Variants in CNGB1 observed in about 807,000 individuals in gnomAD.
The protein encoded by CNGB1 is cyclic nucleotide gated channel subunit beta 1, also known as cyclic nucleotide-gated channel beta-1.
Under a neutral mutation model 151.7 loss-of-function variants are expected in CNGB1, and 126 were observed. That is an observed-to-expected ratio of 0.83 (90% confidence interval 0.72 to 0.96). The LOEUF (loss-of-function observed/expected upper bound fraction) is 0.96, where lower values mean the gene tolerates loss of function less well. Among genes scored for constraint, CNGB1 ranks in the 40% least tolerant of loss-of-function variants. The probability of loss-of-function intolerance (pLI) is 0.00; values close to 1 mark genes in which losing one functional copy is unlikely to be tolerated. For missense variants in CNGB1, 1,698 were observed against 1,627.0 expected, an observed-to-expected ratio of 1.04 and a Z score of -0.75; for synonymous variants, 623 against 635.1, an observed-to-expected ratio of 0.98 and a Z score of 0.29.
intron 32 of CNGB1, among the ~76,000 whole-genome samples, chr16:57,884,933 G>GC (rs1341293609): frequency 1.3e-5 from 2 of 152,154 alleles, no homozygotes; most frequent in African/African-American, 2.4e-5. Context: ...CTGGGGCTGG[G>GC]CCCCCTTTCT....
intron 31 of CNGB1, among the ~76,000 whole-genome samples, chr16:57,896,713 A>AAAAAAAAT (rs1960237465): frequency 7.3e-6 from 1 of 137,014 alleles, no homozygotes; most frequent in Non-Finnish European, 1.6e-5. Flanking sequence ...ACTCTGTCTC[A>AAAAAAAAT]AAATAAATAA....
At position 57,949,394 on chromosome 16, in the gene CNGB1, T is replaced by C. The variant is rs1961892586; in HGVS notation, c.1080A>G (p.Glu360=). 1 of 1,613,388 alleles carries C rather than the reference T, an allele frequency of 6.2e-7. No homozygotes were observed. The highest frequency in any genetic ancestry group is 1.1e-5 in the South Asian group (1 of 91,068). ...CTTCCTCCTCCTCCTCCTCTTCCTC[T>C]TCCTCCTCCTCATCTTCTTTCTCCT... ...IEEEKEDEEE[E]EEEEEEEEEE... The change falls in exon 14 of 33, where the codon GAA becomes GAG. Residue 360 remains glutamate, a synonymous_variant. Coordinates refer to ENST00000251102, the MANE Select transcript of CNGB1 (RefSeq NM_001297.5).
rs1341879752 is a variant in CNGB1, at chr16:57,901,584, G to A, written c.2836C>T (p.Leu946=). 1 of 1,614,166 alleles carries A rather than the reference G, an allele frequency of 6.2e-7. No individual in the cohort carries two copies. The highest frequency in any genetic ancestry group is 1.1e-5 in the South Asian group (1 of 91,076). Reference sequence around the variant, plus strand: ...TAGTTCACGTCGATGGCGAGGTCCAGCCGCATCTTGTCTGGAAGCTGCACC... The same window carrying A: ...TAGTTCACGTCGATGGCGAGGTCCAACCGCATCTTGTCTGGAAGCTGCACC... The part of the protein sequence containing the change: ...LMVQLPDKMR[L]DLAIDVNYNI... Residue 946 remains leucine (L), a synonymous_variant, in exon 28 of 33, where the codon CTG becomes TTG. Transcript: ENST00000251102.
intron 17 of CNGB1, among the ~76,000 whole-genome samples, chr16:57,930,458 C>T (rs1047934346): frequency 2.0e-5 from 3 of 148,282 alleles, no homozygotes; most frequent in Non-Finnish European, 1.5e-5. Flanking sequence ...CACACCACTG[C>T]ACTCCAACCT....
At chr16:57,921,265 C>A (rs1027143275) in intron 18 of CNGB1, among the ~76,000 whole-genome samples, 2 of 145,244 alleles carry the variant, frequency 1.4e-5, no homozygotes, top group African/African-American at 5.2e-5. Flanking sequence ...TCTTGTCGCC[C>A]AGCTGGAGTG....
chr16:57,939,289 A>G, intron 16 of CNGB1, 141 bp downstream of exon 16: 1 of 1,177,116 alleles, frequency 8.5e-7, no homozygotes, highest in Non-Finnish European at 1.3e-6. Flanking sequence ...GATTTTCCTG[A>G]AGACAGGGTG....
chr16:57,960,568 C>A, intron 8 of CNGB1, 38 bp from the exon 9 acceptor site: 1 of 1,605,772 alleles, frequency 6.2e-7, no homozygotes, highest in Non-Finnish European at 8.5e-7. Context: ...TGGGCCATAG[C>A]AAGCTCTGTG....
At chr16:57,927,977 AG>A (rs1263984794) in intron 17 of CNGB1, among the ~76,000 whole-genome samples, 1 of 152,224 alleles carries the variant, frequency 6.6e-6, no homozygotes, top group Non-Finnish European at 1.5e-5. Flanking sequence ...TGCTACACCT[AG>A]CCATCTCCAC....
chr16:57,936,795 C>CAAAAAA (rs1181991556), intron 16 of CNGB1, among the ~76,000 whole-genome samples: 1 of 99,084 alleles, frequency 1.0e-5, no homozygotes, highest in African/African-American at 6.6e-5. Context: ...AAAAAACAAA[C>CAAAAAA]AAACAAAAAA....
At chr16:57,893,158 T>C (rs1960139089) in intron 31 of CNGB1, among the ~76,000 whole-genome samples, 1 of 152,202 alleles carries the variant, frequency 6.6e-6, no homozygotes, top group African/African-American at 2.4e-5. Flanking sequence ...AAAATAAGAA[T>C]GTGTGATACA....
At chr16:57,891,791 A>G (rs1272428166) in intron 31 of CNGB1, among the ~76,000 whole-genome samples, 5 of 152,136 alleles carry the variant, frequency 3.3e-5, no homozygotes, top group African/African-American at 1.2e-4. Context: ...TCCTGACCTC[A>G]GGTGATCCAC....
Position 57,897,557 on chromosome 16 carries a change from G to GGGA in CNGB1, c.3096-17_3096-15dup. On this transcript the variant is annotated splice_polypyrimidine_tract_variant and intron_variant, in intron 30 of 32. Coordinates refer to ENST00000251102, the MANE Select transcript of CNGB1 (RefSeq NM_001297.5). ...ACAGCCAGCAAGCTGGGGCAGAGAA[G>GGGA]GGAGGAAGGAGGCCCTTCAGAGACT... 1 of 1,613,836 alleles carries GGGA rather than the reference G, an allele frequency of 6.2e-7. No homozygotes were observed. The highest frequency in any genetic ancestry group is 8.5e-7 in the Non-Finnish European group (1 of 1,180,022).
At chr16:57,923,883 G>A (rs998962220) in intron 17 of CNGB1, among the ~76,000 whole-genome samples, 8 of 152,068 alleles carry the variant, frequency 5.3e-5, no homozygotes, top group Admixed American at 3.3e-4. Flanking sequence ...TCCAGTCTCC[G>A]CCTTACGGTG....
At chr16:57,885,580 T>TCTCTCTCTCTC (rs746385217) in intron 32 of CNGB1, among the ~76,000 whole-genome samples, 1,149 of 56,576 alleles carry the variant, frequency 0.02, 31 homozygotes, top group Middle Eastern at 0.034. Context: ...CTCTCTCTCT[T>TCTCTCTCTCTC]TCTTTCTTTC....
Position 57,931,781 on chromosome 16 carries a change from C to T in CNGB1, c.1470G>A (p.Leu490=). The T allele has an allele frequency of 1.2e-6, 2 of 1,614,112 alleles. No individual in the cohort carries two copies. Among genetic ancestry groups the T allele is most frequent in the Non-Finnish European group, 1.7e-6 (2 of 1,180,024 alleles). ...MAEENPPSTV[L]PPPSPAKSDT... is the part of the protein sequence containing the mutation. ...CTGATTTGGCAGGAGACGGTGGCGG[C>T]AACACGGTTGAGGGTGGATTCTCTT... Residue 490 remains leucine, a synonymous_variant, in exon 17 of 33, where the codon TTG becomes TTA. Coordinates refer to ENST00000251102, the MANE Select transcript of CNGB1 (RefSeq NM_001297.5).
chr16:57,942,320 TA>T (rs1178126074), intron 14 of CNGB1, among the ~76,000 whole-genome samples: 11 of 150,908 alleles, frequency 7.3e-5, no homozygotes, highest in South Asian at 2.1e-4. Flanking sequence ...ATCTTATATA[TA>T]AAAAAAAACC....
chr16:57,950,231 C>T, intron 13 of CNGB1, 150 bp downstream of exon 13: 1 of 911,230 alleles, frequency 1.1e-6, no homozygotes. Flanking sequence ...GGTAGCCATT[C>T]TACCCATGGG....
In CNGB1 at chr16:57,901,440, C is replaced by T. The variant is rs1960384662; in HGVS notation, c.2893-5G>A. On this transcript the variant is annotated splice_region_variant and splice_polypyrimidine_tract_variant and intron_variant, in intron 28 of 32. Coordinates refer to ENST00000251102, the MANE Select transcript of CNGB1 (RefSeq NM_001297.5). ...GATCATCTGCCGGTCACAGCCCTGT[C>T]CCGGTGAGGAAGGGAAAGGAACTTT... 6.2e-7 allele frequency: 1 copy of T among 1,614,100 alleles called. No homozygotes were observed. The highest frequency in any genetic ancestry group is 8.5e-7 in the Non-Finnish European group (1 of 1,180,040).
At position 57,904,773 on chromosome 16, in the gene CNGB1, A is replaced by G. The variant is rs769554919; in HGVS notation, c.2595T>C (p.Tyr865=). 1 of 1,614,230 alleles carries G rather than the reference A, an allele frequency of 6.2e-7. No individual in the cohort carries two copies. The highest frequency in any genetic ancestry group is 2.2e-5 in the East Asian group (1 of 44,882). Residue 865 remains tyrosine, a synonymous_variant, in exon 26 of 33, where the codon TAT becomes TAC. Coordinates refer to ENST00000251102, the MANE Select transcript of CNGB1 (RefSeq NM_001297.5). ...CAGAGAAAGCAAAGACGCCCGTGAAATAATTCAGCAGCTGGAAGACAATTT... is the reference window on the plus strand; with the variant it reads ...CAGAGAAAGCAAAGACGCCCGTGAAGTAATTCAGCAGCTGGAAGACAATTT... ...LFEIVFQLLN[Y]FTGVFAFSVM...
Sources: gnomAD v4.1 joint callset for allele counts (sites outside exome capture counted in the v4.1 genomes callset) on GRCh38, gnomAD v4.1.1 for gene constraint, MANE v1.5 for transcripts, NCBI Gene and HGNC (gene_info 2026-07-23, HGNC 2026-07-21) for gene names.